The following MTMR10 variants were observed in gnomAD, a reference collection of about 807,000 sequenced individuals.
MTMR10 encodes the protein myotubularin related protein 10.
In MTMR10, 56 loss-of-function variants were observed where a neutral mutation model predicts 88.1. That is an observed-to-expected ratio of 0.64 (90% CI 0.51 to 0.79). The LOEUF (loss-of-function observed/expected upper bound fraction) is 0.79, where lower values mean the gene tolerates loss of function less well. Among genes scored for constraint, MTMR10 ranks in the 30% least tolerant of loss-of-function variants. MTMR10 has a pLI of 0.00. For synonymous variants in MTMR10, 380 were observed against 340.9 expected, an observed-to-expected ratio of 1.11 and a Z score of -1.26; for missense variants, 883 against 924.7, an observed-to-expected ratio of 0.95 and a Z score of 0.58.
chr15:30,970,502 C>T (rs1029508583), intron 5 of MTMR10, among the ~76,000 whole-genome samples: 1 of 152,122 alleles, frequency 6.6e-6, no homozygotes, highest in Non-Finnish European at 1.5e-5. Flanking sequence ...AGCTTTCTGA[C>T]GGTGCTCTGT....
the MTMR10 span, among the ~76,000 whole-genome samples, chr15:30,926,241 G>A: frequency 1.5e-3 from 221 of 152,318 alleles, 1 homozygote; most frequent in African/African-American, 5.1e-3. Context: ...CAACCCCACG[G>A]ACACCCACTT....
chr15:30,941,860 A>T lies in MTMR10; in HGVS notation c.1944T>A (p.Arg648=). ...PANLHGVILP[R]VSGTHIKLWK... The stretch of plus-strand genomic sequence containing the variant: ...ACAGTTTTATGTGTGTTCCAGAGAC[A>T]CGTGGCAGAATAACACCGTGCAGGT... The change falls in exon 16 of 16, where the codon CGT becomes CGA. Residue 648 remains arginine, a synonymous_variant. Coordinates refer to ENST00000435680, the MANE Select transcript of MTMR10 (RefSeq NM_017762.3). 6.2e-7 allele frequency: 1 copy of T among 1,614,072 alleles called. No individual in the cohort carries two copies. Among genetic ancestry groups the T allele is most frequent in the Non-Finnish European group, 8.5e-7 (1 of 1,179,912 alleles).
At chr15:30,924,069 A>T in the MTMR10 span, among the ~76,000 whole-genome samples, 3 of 152,154 alleles carry the variant, frequency 2.0e-5, no homozygotes, top group South Asian at 6.2e-4. Flanking sequence ...TGTTCATTTC[A>T]TTCATTTCAT....
rs955008812 is a variant in MTMR10 at position 30,948,726 on chromosome 15, T to A, written c.1208-255A>T. The A allele has an allele frequency of 9.4e-6, 5 of 531,204 alleles. No homozygotes were observed. In the African/African-American group the frequency reaches 9.6e-5, roughly 10 times the overall value. The allele number at this position is 531,204 out of a possible 1,614,324, so 32.9% of individuals were successfully genotyped here. A position where few individuals can be genotyped will look rare whatever the true frequency, so the allele number is the denominator to read the frequency against. On this transcript the variant is annotated intron_variant, in intron 12 of 15. Coordinates refer to ENST00000435680, the MANE Select transcript of MTMR10 (RefSeq NM_017762.3). ...AATAGAAGCTCATCACTCATACTTT[T>A]TACATTCGAATGGTTTGTGGTAGAA...
chr15:30,938,667 C>A (rs1036357569), downstream of MTMR10, among the ~76,000 whole-genome samples: 1 of 152,104 alleles, frequency 6.6e-6, no homozygotes, highest in Non-Finnish European at 1.5e-5. Flanking sequence ...CTCTTGACTT[C>A]TTTGAAGCCT....
At chr15:30,937,005 C>A, downstream of MTMR10, 2 of 793,732 alleles carry the variant, frequency 2.5e-6, no homozygotes, top group Non-Finnish European at 4.2e-6. Flanking sequence ...CTTACAAATA[C>A]AGTGAGAGAG....
At position 30,990,770 on chromosome 15, in the gene MTMR10, T is replaced by C. The variant is rs377104831; in HGVS notation, c.121+7A>G. The C allele has an allele frequency of 3.2e-5, 51 of 1,607,382 alleles. No homozygotes were observed. Among genetic ancestry groups the C allele is most frequent in the Non-Finnish European group, 3.7e-5 (44 of 1,176,374 alleles). On this transcript the variant is annotated splice_region_variant and intron_variant, in intron 2 of 15. Coordinates refer to ENST00000435680, the MANE Select transcript of MTMR10 (RefSeq NM_017762.3). ...AAGTATCTGTTAGAATCCTAACTAATGTTTACCTGGCAAAAGGACTGGCTC... is the reference window on the plus strand; with the variant it reads ...AAGTATCTGTTAGAATCCTAACTAACGTTTACCTGGCAAAAGGACTGGCTC...
chr15:30,926,363 C>T, the MTMR10 span, among the ~76,000 whole-genome samples: 5 of 152,190 alleles, frequency 3.3e-5, no homozygotes, highest in Admixed American at 3.3e-4. Context: ...TCGGGAACAG[C>T]CACTGAGCCT....
Position 30,954,743 on chromosome 15 carries a change from T to C in MTMR10, c.1066+20A>G. 3.8e-6 allele frequency: 6 copies of C among 1,579,256 alleles called. No homozygotes were observed. The South Asian group carries it at 5.9e-5, about 16-fold the overall frequency. Reference sequence around the variant, plus strand: ...CTGTATCCTGTGTTCATTATATATATGAAATAAGAATGAAATTACCATTAA... The same window carrying C: ...CTGTATCCTGTGTTCATTATATATACGAAATAAGAATGAAATTACCATTAA... On this transcript the variant is annotated intron_variant, in intron 10 of 15. Transcript: ENST00000435680.
At chr15:30,953,675 T>C (rs1566951203) in intron 10 of MTMR10, 44 bp from the exon 11 acceptor site, 7 of 1,323,270 alleles carry the variant, frequency 5.3e-6, no homozygotes, top group Non-Finnish European at 7.4e-6. Flanking sequence ...TTTTATTTTA[T>C]ACGATCCCTA....
intron 5 of MTMR10, among the ~76,000 whole-genome samples, chr15:30,969,125 C>T (rs566284194): frequency 6.6e-6 from 1 of 152,220 alleles, no homozygotes; most frequent in African/African-American, 2.4e-5. Flanking sequence ...GGTTGATGCA[C>T]ATTTCATTAA....
chr15:30,978,680 G>T (rs1174737248), intron 2 of MTMR10, among the ~76,000 whole-genome samples: 1 of 152,122 alleles, frequency 6.6e-6, no homozygotes, highest in Non-Finnish European at 1.5e-5. Context: ...ACAGATAAAG[G>T]ATTTGCACCC....
chr15:30,923,386 C>T, the MTMR10 span, among the ~76,000 whole-genome samples: 2 of 152,090 alleles, frequency 1.3e-5, no homozygotes, highest in African/African-American at 4.8e-5. Context: ...AATAAAAGTT[C>T]AAGAGAGTAC....
intron 9 of MTMR10, among the ~76,000 whole-genome samples, chr15:30,957,683 G>A (rs1017629712): frequency 1.3e-5 from 2 of 152,124 alleles, no homozygotes; most frequent in Non-Finnish European, 2.9e-5. Context: ...TCCAGCATGG[G>A]TGACAGAGTG....
Position 30,938,957 on chromosome 15 carries a change from T to A in MTMR10, c.*2513A>T. 2 of 985,408 alleles carry A rather than the reference T, an allele frequency of 2.0e-6. No individual in the cohort carries two copies. Among genetic ancestry groups the A allele is most frequent in the Non-Finnish European group, 2.4e-6 (2 of 829,912 alleles). The allele number at this position is 985,408 out of a possible 1,614,324, so 61.0% of individuals were successfully genotyped here. A position where few individuals can be genotyped will look rare whatever the true frequency, so the allele number is the denominator to read the frequency against. On this transcript the variant is annotated 3_prime_UTR_variant, in exon 16 of 16. Coordinates refer to ENST00000435680, the MANE Select transcript of MTMR10 (RefSeq NM_017762.3). ...ACAACAACAAACAGTCGCTGTGGAA[T>A]TTTATTAAGCCATCAAAATTTCCTT...
chr15:30,942,889 C>CCTTT lies in MTMR10; in HGVS notation c.1728_1731dup (p.Ser579GlufsTer21). The stretch of plus-strand genomic sequence containing the variant: ...ATCACGTTTTGTTAGCTGTGATTTA[C>CCTTT]CTTTGTCCGTTTAAAAGACTTCACG... On this transcript the variant is annotated frameshift_variant and splice_region_variant. Transcript: ENST00000435680. LOFTEE classifies it high-confidence loss of function. The CCTTT allele has an allele frequency of 6.4e-7, 1 of 1,559,258 alleles. No homozygotes were observed. The highest frequency in any genetic ancestry group is 8.7e-7 in the Non-Finnish European group (1 of 1,150,502).
In MTMR10 at chr15:30,991,523, C is replaced by A; in HGVS notation, c.-17G>T. The A allele has an allele frequency of 6.5e-7, 1 of 1,534,916 alleles. No homozygotes were observed. The highest frequency in any genetic ancestry group is 1.4e-5 in the African/African-American group (1 of 69,188). On this transcript the variant is annotated 5_prime_UTR_variant, in exon 1 of 16. Transcript: ENST00000435680. ...GGAGAACATGGTGCCGCCGCCTTTT[C>A]GCCCCGTTCCCGTCGCGGGCCAGTG...
chr15:30,957,660 C>T lies in MTMR10; in HGVS notation c.935+1203G>A, dbSNP rs553727047. On this transcript the variant is annotated intron_variant, in intron 9 of 15. Coordinates refer to ENST00000435680, the MANE Select transcript of MTMR10 (RefSeq NM_017762.3). Reference sequence around the variant, plus strand: ...ATCACTTGAACCCGGGAGCCGAGATCGTACCACTGCACTCCAGCATGGGTG... The same window carrying T: ...ATCACTTGAACCCGGGAGCCGAGATTGTACCACTGCACTCCAGCATGGGTG... 7.3e-5 allele frequency among the ~76,000 whole-genome samples: 11 copies of T among 151,674 alleles called. No individual in the cohort carries two copies. The South Asian group carries it at 1.5e-3, about 20-fold the overall frequency.
At chr15:30,923,025 C>G in the MTMR10 span, among the ~76,000 whole-genome samples, 2 of 152,220 alleles carry the variant, frequency 1.3e-5, no homozygotes, top group Non-Finnish European at 2.9e-5. Context: ...CCCTCCCTGT[C>G]TCTATTCCAG....
Sources: gnomAD v4.1 joint callset for allele counts (sites outside exome capture counted in the v4.1 genomes callset) on GRCh38, gnomAD v4.1.1 for gene constraint, MANE v1.5 for transcripts, NCBI Gene and HGNC (gene_info 2026-07-23, HGNC 2026-07-21) for gene names.